Variants in PKD2L1 observed in about 807,000 individuals in gnomAD.
PKD2L1 encodes the protein polycystin-2-like protein 1.
Under a neutral mutation model 93.0 loss-of-function variants are expected in PKD2L1, and 77 were observed. The ratio of observed to expected loss-of-function variants is 0.83; its 90% CI spans 0.69 to 1.00. PKD2L1 has a LOEUF of 1.00. PKD2L1 is among the 50% of genes least tolerant of loss of function. PKD2L1 has a pLI of 0.00. For synonymous variants in PKD2L1, 390 were observed against 388.0 expected, an observed-to-expected ratio of 1.01 and a Z score of -0.06; for missense variants, 977 against 990.9, an observed-to-expected ratio of 0.99 and a Z score of 0.19.
At chr10:100,308,859 A>C (rs1254754809) in intron 2 of PKD2L1, among the ~76,000 whole-genome samples, 5 of 152,222 alleles carry the variant, frequency 3.3e-5, no homozygotes, top group Non-Finnish European at 7.3e-5. Flanking sequence ...GCAAGTCTAT[A>C]AGATGTCCTT....
intron 2 of PKD2L1, among the ~76,000 whole-genome samples, chr10:100,325,012 G>A (rs1849346858): frequency 6.6e-6 from 1 of 152,170 alleles, no homozygotes; most frequent in Non-Finnish European, 1.5e-5. Flanking sequence ...TCCTTAGGCA[G>A]GAGAGCTCAG....
rs1848441594 is a variant in PKD2L1, at chr10:100,293,067, GC to G, written c.1760del (p.Gly587AlafsTer7). 2.5e-6 allele frequency: 4 copies of G among 1,613,696 alleles called. No homozygotes were observed. In the East Asian group the frequency reaches 8.9e-5, roughly 36 times the overall value. ...ELQLSDLLKQ[G>X]YNKTLLRLRL... is the part of the protein sequence containing the mutation. ...GCAGTCTTAGTAGGGTCTTGTTGTAGCCCTGAAAGGGAAAGGAAATAGGCAC... is the reference window on the plus strand; with the variant it reads ...GCAGTCTTAGTAGGGTCTTGTTGTAGCCTGAAAGGGAAAGGAAATAGGCAC... On this transcript the variant is annotated frameshift_variant and splice_region_variant, in exon 11 of 16. Coordinates refer to ENST00000318222, the MANE Select transcript of PKD2L1 (RefSeq NM_016112.3). LOFTEE classifies it high-confidence loss of function.
intron 2 of PKD2L1, among the ~76,000 whole-genome samples, chr10:100,307,861 C>T (rs924486919): frequency 7.9e-5 from 12 of 152,162 alleles, no homozygotes; most frequent in African/African-American, 2.9e-4. Flanking sequence ...TTCCCAGCTC[C>T]TTTCTGTAAG....
At position 100,291,551 on chromosome 10, in the gene PKD2L1, A is replaced by G. The variant is rs945611286; in HGVS notation, c.1881-124T>C. On this transcript the variant is annotated intron_variant, in intron 11 of 15. Transcript: ENST00000318222. ...GCTTCTGGTAAAGAAGGTTCTCCAA[A>G]GTCTAGCAATCTTACCCCCAGGAAA... 8.3e-5 allele frequency: 77 copies of G among 928,796 alleles called. No individual in the cohort carries two copies. The African/African-American group carries it at 1.2e-3, about 14-fold the overall frequency. 57.5% of individuals were successfully genotyped at this position (928,796 alleles called of 1,614,324 possible). A position where few individuals can be genotyped will look rare whatever the true frequency, so the allele number is the denominator to read the frequency against.
In PKD2L1 at chr10:100,288,191, A is replaced by G; in HGVS notation, c.*205T>C. 4.0e-6 allele frequency: 2 copies of G among 503,766 alleles called. No individual in the cohort carries two copies. The highest frequency in any genetic ancestry group is 3.6e-6 in the Non-Finnish European group (1 of 281,056). 31.2% of individuals were successfully genotyped at this position (503,766 alleles called of 1,614,324 possible). A position where few individuals can be genotyped will look rare whatever the true frequency, so the allele number is the denominator to read the frequency against. Reference sequence around the variant, plus strand: ...ATTGATAGCCACCATGGAAACCCACATGGTCTTATGGAAGAATAATGTCAG... The same window carrying G: ...ATTGATAGCCACCATGGAAACCCACGTGGTCTTATGGAAGAATAATGTCAG... On this transcript the variant is annotated 3_prime_UTR_variant, in exon 16 of 16. Transcript: ENST00000318222.
At chr10:100,300,765 C>G (rs560230799) in intron 2 of PKD2L1, among the ~76,000 whole-genome samples, 30 of 152,180 alleles carry the variant, frequency 2.0e-4, no homozygotes, top group African/African-American at 6.7e-4. Flanking sequence ...TACTGTTTTT[C>G]TTTTTGTAAT....
In PKD2L1 at chr10:100,291,393, T is replaced by C. The variant is rs971372607; in HGVS notation, c.1915A>G (p.Thr639Ala). The change falls in exon 12 of 16, where the codon ACG (threonine) becomes GCG (alanine). Residue 639 changes from threonine to alanine, a missense_variant. Coordinates refer to ENST00000318222, the MANE Select transcript of PKD2L1 (RefSeq NM_016112.3). ...CTGTCAAACTTGGTGAAGGTGGCCGTGAGCTCAGTGATTTCATGCTCTGCG... is the reference window on the plus strand; with the variant it reads ...CTGTCAAACTTGGTGAAGGTGGCCGCGAGCTCAGTGATTTCATGCTCTGCG... ...GHAEHEITEL[T>A]ATFTKFDRDG... 2 of 1,612,634 alleles carry C rather than the reference T, an allele frequency of 1.2e-6. No individual in the cohort carries two copies. The highest frequency in any genetic ancestry group is 1.3e-5 in the African/African-American group (1 of 74,888).
intron 11 of PKD2L1, among the ~76,000 whole-genome samples, chr10:100,292,277 A>T (rs1184820258): frequency 6.6e-6 from 1 of 152,100 alleles, no homozygotes; most frequent in African/African-American, 2.4e-5. Flanking sequence ...GGATCACTTG[A>T]GGCCAGGAGT....
At chr10:100,307,955 G>A (rs1413574663) in intron 2 of PKD2L1, among the ~76,000 whole-genome samples, 3 of 152,188 alleles carry the variant, frequency 2.0e-5, no homozygotes, top group Non-Finnish European at 4.4e-5. Flanking sequence ...ATTTGACTCA[G>A]TATGTCAAAT....
chr10:100,310,245 G>A (rs912467121), intron 2 of PKD2L1, among the ~76,000 whole-genome samples: 1 of 152,128 alleles, frequency 6.6e-6, no homozygotes, highest in Non-Finnish European at 1.5e-5. Flanking sequence ...TGAGGCAGGA[G>A]GGTGCTTGAG....
intron 2 of PKD2L1, among the ~76,000 whole-genome samples, chr10:100,314,992 A>G (rs1178023924): frequency 2.3e-4 from 3 of 12,906 alleles, no homozygotes; most frequent in Non-Finnish European, 1.2e-4. Context: ...GGAAGGAAGG[A>G]AGGAAGGAAG....
intron 2 of PKD2L1, among the ~76,000 whole-genome samples, chr10:100,307,448 G>C (rs187535270): frequency 6.6e-6 from 1 of 152,102 alleles, no homozygotes. Flanking sequence ...ACTTGAGCCC[G>C]GGAATTCATA....
chr10:100,311,145 C>A (rs1848923457), intron 2 of PKD2L1, among the ~76,000 whole-genome samples: 1 of 152,326 alleles, frequency 6.6e-6, no homozygotes, highest in South Asian at 2.1e-4. Context: ...AACTGGTGTG[C>A]TTTTTTCTTG....
Position 100,295,151 on chromosome 10 carries a change from T to A in PKD2L1, c.1357-28A>T, listed in dbSNP as rs758888787. Reference sequence around the variant, plus strand: ...GGAAGGACCATGTTGAACCAAGGGATGAAGAAGGAAAAGGGAAAAGCATTG... The same window carrying A: ...GGAAGGACCATGTTGAACCAAGGGAAGAAGAAGGAAAAGGGAAAAGCATTG... On this transcript the variant is annotated intron_variant, in intron 7 of 15. Transcript: ENST00000318222. The A allele has an allele frequency of 5.0e-6, 8 of 1,596,098 alleles. No individual in the cohort carries two copies. The South Asian group carries it at 8.9e-5, about 18-fold the overall frequency.
chr10:100,323,909 C>T (rs1481549654), intron 2 of PKD2L1, among the ~76,000 whole-genome samples: 1 of 151,726 alleles, frequency 6.6e-6, no homozygotes, highest in African/African-American at 2.4e-5. Flanking sequence ...CTCACTGCAA[C>T]CTCCGCCTCC....
At chr10:100,329,442 C>G in intron 1 of PKD2L1, 118 bp from the exon 2 acceptor site, 1 of 1,400,588 alleles carries the variant, frequency 7.1e-7, no homozygotes. Context: ...TTGCCCATCA[C>G]CTTCATCCTT....
At position 100,296,213 on chromosome 10, in the gene PKD2L1, G is replaced by C; in HGVS notation, c.1265C>G (p.Pro422Arg). The change falls in exon 7 of 16, where the codon CCA (proline) becomes CGA (arginine). Residue 422 changes from proline to arginine, a missense_variant. Pro to Arg is a moderately radical substitution (Grantham distance 103). Transcript: ENST00000318222. ...NRLMGKLLQQ[P>R]NTYADFEFLA... ...GAACTCAAAGTCTGCATACGTGTTTGGCTGCTGCAGGAGCTTCCCCATGAG... is the reference window on the plus strand; with the variant it reads ...GAACTCAAAGTCTGCATACGTGTTTCGCTGCTGCAGGAGCTTCCCCATGAG... The C allele has an allele frequency of 6.2e-7, 1 of 1,612,148 alleles. No individual in the cohort carries two copies. The highest frequency in any genetic ancestry group is 8.5e-7 in the Non-Finnish European group (1 of 1,179,186).
intron 11 of PKD2L1, 70 bp from the exon 12 acceptor site, chr10:100,291,497 C>T: frequency 6.5e-7 from 1 of 1,537,466 alleles, no homozygotes; most frequent in African/African-American, 1.4e-5. Context: ...GACTTCCTCA[C>T]TCTTTTGCTT....
At chr10:100,309,709 A>G in intron 2 of PKD2L1, among the ~76,000 whole-genome samples, 1 of 152,194 alleles carries the variant, frequency 6.6e-6, no homozygotes, top group East Asian at 1.9e-4. Flanking sequence ...AAGGAGTCAT[A>G]AAAAGAGATT....
Sources: allele counts gnomAD v4.1 joint callset (sites outside exome capture counted in the v4.1 genomes callset), GRCh38; gene constraint gnomAD v4.1.1; transcripts MANE v1.5; gene names NCBI Gene and HGNC (gene_info 2026-07-23, HGNC 2026-07-21).